SGCZ: variants seen among roughly 807,000 people sequenced by gnomAD.
SGCZ encodes the protein sarcoglycan zeta, also known as zeta-sarcoglycan.
A neutral mutation model predicts 41.3 loss-of-function variants in SGCZ; 40 were observed. The ratio of observed to expected loss-of-function variants is 0.97; its 90% CI spans 0.75 to 1.26. The LOEUF is 1.26. SGCZ is among the 50% of genes most tolerant of loss of function. The pLI, the probability that SGCZ is intolerant of heterozygous loss-of-function variation, is 0.00. For synonymous variants in SGCZ, 206 were observed against 137.5 expected, an observed-to-expected ratio of 1.50 and a Z score of -3.49; for missense variants, 552 against 369.8, an observed-to-expected ratio of 1.49 and a Z score of -4.04.
chr8:15,231,456 G>T (rs77527687), intron 1 of SGCZ, among the ~76,000 whole-genome samples: 12,658 of 152,068 alleles, frequency 0.083, 630 homozygotes, highest in African/African-American at 0.13. Context: ...AATGCTCTTG[G>T]AGGGGTGGTA....
chr8:14,473,367 C>T (rs1289372814), intron 2 of SGCZ, among the ~76,000 whole-genome samples: 1 of 152,090 alleles, frequency 6.6e-6, no homozygotes, highest in African/African-American at 2.4e-5. Flanking sequence ...AACCAAAGTT[C>T]TTTAATTTTG....
chr8:14,265,858 A>G (rs1389184630), intron 3 of SGCZ, among the ~76,000 whole-genome samples: 1 of 151,982 alleles, frequency 6.6e-6, no homozygotes, highest in Non-Finnish European at 1.5e-5. Context: ...AGTAAAGAGC[A>G]TCAATAGCAG....
chr8:15,111,582 G>A (rs931252455), intron 1 of SGCZ, among the ~76,000 whole-genome samples: 9 of 152,130 alleles, frequency 5.9e-5, no homozygotes, highest in African/African-American at 1.9e-4. Context: ...CTCCCACCCT[G>A]TGGAATGTCT....
At chr8:14,115,910 C>T (rs976667167) in intron 5 of SGCZ, among the ~76,000 whole-genome samples, 3 of 151,966 alleles carry the variant, frequency 2.0e-5, no homozygotes, top group Admixed American at 1.3e-4. Flanking sequence ...AAAATGACTT[C>T]CTACTGCTAG....
At chr8:14,101,407 C>T (rs1313989077) in intron 7 of SGCZ, among the ~76,000 whole-genome samples, 1 of 150,848 alleles carries the variant, frequency 6.6e-6, no homozygotes, top group Non-Finnish European at 1.5e-5. Context: ...CTGAGGTTAT[C>T]TGAAGAAATA....
intron 2 of SGCZ, among the ~76,000 whole-genome samples, chr8:14,449,232 T>C (rs1332588972): frequency 6.6e-6 from 1 of 152,226 alleles, no homozygotes; most frequent in Non-Finnish European, 1.5e-5. Context: ...TATGCTATAG[T>C]AATGAACTTA....
intron 1 of SGCZ, among the ~76,000 whole-genome samples, chr8:15,073,529 T>A (rs1160545635): frequency 6.6e-6 from 1 of 152,202 alleles, no homozygotes; most frequent in African/African-American, 2.4e-5. Flanking sequence ...CCAGCATAGA[T>A]GTTACTGAGA....
chr8:14,282,936 G>C (rs1045862730), intron 3 of SGCZ, among the ~76,000 whole-genome samples: 1 of 128,580 alleles, frequency 7.8e-6, no homozygotes, highest in Non-Finnish European at 1.6e-5. Context: ...TGCAAGCTCC[G>C]CCTCCAGGGT....
intron 2 of SGCZ, among the ~76,000 whole-genome samples, chr8:14,408,298 G>A (rs1233306793): frequency 1.3e-5 from 2 of 152,056 alleles, no homozygotes; most frequent in African/African-American, 4.8e-5. Context: ...TCCATTTTAT[G>A]ACCACAGAAT....
intron 2 of SGCZ, among the ~76,000 whole-genome samples, chr8:14,463,698 T>G (rs776640012): frequency 6.6e-6 from 1 of 151,752 alleles, no homozygotes; most frequent in African/African-American, 2.4e-5. Flanking sequence ...CAGGTCTTGT[T>G]CTTGACCTAA....
intron 1 of SGCZ, among the ~76,000 whole-genome samples, chr8:14,904,127 G>C (rs953519759): frequency 6.6e-6 from 1 of 152,022 alleles, no homozygotes; most frequent in African/African-American, 2.4e-5. Flanking sequence ...GGGTTTTCAT[G>C]AAATATGTTT....
chr8:14,147,223 C>T (rs1456450565), intron 5 of SGCZ, among the ~76,000 whole-genome samples: 1 of 151,816 alleles, frequency 6.6e-6, no homozygotes, highest in Non-Finnish European at 1.5e-5. Flanking sequence ...CACAAAACAA[C>T]CAGAAAAAGA....
chr8:14,181,011 T>TA (rs1420285844), intron 4 of SGCZ, among the ~76,000 whole-genome samples: 1 of 152,162 alleles, frequency 6.6e-6, no homozygotes, highest in Non-Finnish European at 1.5e-5. Context: ...ATAGAGTCGA[T>TA]ACCGTTTGCA....
At position 14,610,207 on chromosome 8, in the gene SGCZ, A is replaced by G. The variant is rs1255523331; in HGVS notation, c.40-55281T>C. Reference sequence around the variant, plus strand: ...GCCCCAACCTATATTACATTGTTACAAGAATCACCTTGACCTAAAGACACT... The same window carrying G: ...GCCCCAACCTATATTACATTGTTACGAGAATCACCTTGACCTAAAGACACT... On this transcript the variant is annotated intron_variant, in intron 1 of 7. Transcript: ENST00000382080. 2.6e-5 allele frequency among the ~76,000 whole-genome samples: 4 copies of G among 152,166 alleles called. No individual in the cohort carries two copies. In the East Asian group the frequency reaches 5.8e-4, roughly 22 times the overall value.
intron 3 of SGCZ, among the ~76,000 whole-genome samples, chr8:14,277,749 C>T (rs563732730): frequency 3.3e-5 from 5 of 152,104 alleles, no homozygotes; most frequent in Admixed American, 3.3e-4. Flanking sequence ...GTTTCTTCAC[C>T]CACTCACAAC....
chr8:14,986,576 G>C (rs1801831245), intron 1 of SGCZ, among the ~76,000 whole-genome samples: 1 of 151,986 alleles, frequency 6.6e-6, no homozygotes, highest in African/African-American at 2.4e-5. Context: ...ATCTGAAATA[G>C]TATTTTAATG....
chr8:14,727,225 G>C (rs1275848369), intron 1 of SGCZ, among the ~76,000 whole-genome samples: 1 of 152,056 alleles, frequency 6.6e-6, no homozygotes, highest in Non-Finnish European at 1.5e-5. Context: ...GGAAAAGAAT[G>C]CTCAACATCT....
chr8:15,110,354 T>A (rs1563131091), intron 1 of SGCZ, among the ~76,000 whole-genome samples: 2 of 152,174 alleles, frequency 1.3e-5, no homozygotes, highest in Admixed American at 1.3e-4. Context: ...AATTGTAAGC[T>A]CATAAAATTA....
chr8:14,095,711 G>A lies in SGCZ; in HGVS notation c.745-5074C>T, dbSNP rs878909264. On this transcript the variant is annotated intron_variant, in intron 7 of 7. Transcript: ENST00000382080. The stretch of plus-strand genomic sequence containing the variant: ...CTTTGGGTAGTATGGCCATTTTCAC[G>A]ATAATGTTTCTTCTTATCCATGAGC... 2.6e-5 allele frequency among the ~76,000 whole-genome samples: 4 copies of A among 152,090 alleles called. No homozygotes were observed. In the South Asian group the frequency reaches 6.2e-4, roughly 24 times the overall value.
Sources: allele counts gnomAD v4.1 joint callset (sites outside exome capture counted in the v4.1 genomes callset), GRCh38; gene constraint gnomAD v4.1.1; transcripts MANE v1.5; gene names NCBI Gene and HGNC (gene_info 2026-07-23, HGNC 2026-07-21).